NTM: variants seen among roughly 807,000 people sequenced by gnomAD.
NTM encodes neurotrimin.
In NTM, 13 loss-of-function variants were observed where a neutral mutation model predicts 42.1. That is an observed-to-expected ratio of 0.31 (90% confidence interval 0.20 to 0.49). The LOEUF (loss-of-function observed/expected upper bound fraction) is 0.49, where lower values mean the gene tolerates loss of function less well. NTM is among the 20% of genes least tolerant of loss of function. The pLI is 0.99. For synonymous variants in NTM, 187 were observed against 179.2 expected (o/e 1.04, Z -0.35); for missense variants, 373 against 452.8 (o/e 0.82, Z 1.60).
intron 1 of NTM, among the ~76,000 whole-genome samples, chr11:131,445,103 C>T (rs966229357): frequency 6.6e-6 from 1 of 152,078 alleles, no homozygotes; most frequent in Non-Finnish European, 1.5e-5. Context: ...TATGATGATC[C>T]TTATTATAGC....
rs1466920804 is a variant in NTM at position 132,330,186 on chromosome 11, G to C, written c.967+1G>C. The C allele has an allele frequency of 6.4e-7, 1 of 1,551,570 alleles. No individual in the cohort carries two copies. Among genetic ancestry groups the C allele is most frequent in the Non-Finnish European group, 8.7e-7 (1 of 1,146,930 alleles). On this transcript the variant is annotated splice_donor_variant, in intron 8 of 8. Coordinates refer to ENST00000683400, the MANE Select transcript of NTM (RefSeq NM_001352005.2). LOFTEE classifies it high-confidence loss of function. The stretch of plus-strand genomic sequence containing the variant: ...ACTACAGCCCTGACCCCTTGGAAAG[G>C]TTTGTATATTTTTCAGACAGCTGCT...
chr11:131,485,783 C>A (rs1448693882), intron 1 of NTM, among the ~76,000 whole-genome samples: 2 of 152,140 alleles, frequency 1.3e-5, no homozygotes, highest in African/African-American at 2.4e-5. Context: ...CATGCCAGTG[C>A]TGAAATGGGT....
chr11:132,254,554 C>T (rs2092307723), intron 4 of NTM, among the ~76,000 whole-genome samples: 1 of 152,026 alleles, frequency 6.6e-6, no homozygotes, highest in Non-Finnish European at 1.5e-5. Flanking sequence ...CTACCGCTGG[C>T]CTTCCTTTGG....
chr11:131,668,547 G>T (rs1011666020), intron 1 of NTM, among the ~76,000 whole-genome samples: 1 of 152,138 alleles, frequency 6.6e-6, no homozygotes, highest in Non-Finnish European at 1.5e-5. Flanking sequence ...GGAACAAGGG[G>T]CAGGATATAA....
chr11:131,693,539 A>G (rs1164592376), intron 1 of NTM, among the ~76,000 whole-genome samples: 1 of 152,196 alleles, frequency 6.6e-6, no homozygotes, highest in East Asian at 1.9e-4. Context: ...CAGGAAATCC[A>G]GCAGCTGCAG....
At position 131,708,094 on chromosome 11, in the gene NTM, C is replaced by G. The variant is rs567078506; in HGVS notation, c.83-203470C>G. Among the ~76,000 whole-genome samples the G allele has an allele frequency of 6.2e-4, 94 of 151,982 alleles. 1 individual carries two copies. Among genetic ancestry groups the G allele is most frequent in the African/African-American group, 2.2e-3 (91 of 41,472 alleles). ...AGTTACAGGCCACAAAATCAACATA[C>G]AAAAATTAGTGAGAACTAACAGTAA... On this transcript the variant is annotated intron_variant, in intron 1 of 8. Transcript: ENST00000683400.
intron 2 of NTM, among the ~76,000 whole-genome samples, chr11:132,068,723 T>C (rs888931650): frequency 1.2e-4 from 18 of 151,758 alleles, no homozygotes; most frequent in African/African-American, 4.1e-4. Flanking sequence ...TTGCAGGGAG[T>C]TGGCTCACAT....
chr11:131,831,643 C>G (rs1046303030), intron 1 of NTM, among the ~76,000 whole-genome samples: 11 of 152,166 alleles, frequency 7.2e-5, no homozygotes, highest in African/African-American at 2.7e-4. Flanking sequence ...CTTTTTAGAT[C>G]TTAAAGCTTA....
At chr11:131,694,961 G>A (rs1038486808) in intron 1 of NTM, among the ~76,000 whole-genome samples, 7 of 152,158 alleles carry the variant, frequency 4.6e-5, no homozygotes, top group African/African-American at 1.7e-4. Context: ...AGCCCCAGCA[G>A]AGGGGCAGTC....
At chr11:131,589,202 T>TGTGTGTG (rs2059152644) in intron 1 of NTM, among the ~76,000 whole-genome samples, 1 of 151,514 alleles carries the variant, frequency 6.6e-6, no homozygotes, top group African/African-American at 2.4e-5. Context: ...TGTGTGTGTG[T>TGTGTGTG]AGGCTCTGGT....
At chr11:131,564,503 A>AT (rs1026780596) in intron 1 of NTM, among the ~76,000 whole-genome samples, 174 of 149,574 alleles carry the variant, frequency 1.2e-3, no homozygotes, top group African/African-American at 2.5e-3. Context: ...TTCTTTTTCA[A>AT]TTTTTTTTTT....
intron 1 of NTM, among the ~76,000 whole-genome samples, chr11:131,504,658 G>C (rs2047260016): frequency 6.6e-6 from 1 of 152,048 alleles, no homozygotes; most frequent in Non-Finnish European, 1.5e-5. Context: ...TGCACTGCTG[G>C]CCTTTCCAAA....
At chr11:131,523,871 T>C (rs2050103061) in intron 1 of NTM, among the ~76,000 whole-genome samples, 1 of 151,330 alleles carries the variant, frequency 6.6e-6, no homozygotes, top group Non-Finnish European at 1.5e-5. Flanking sequence ...AAGAATTCTC[T>C]GTGCAGTTTG....
At chr11:131,458,599 A>T (rs767035837) in intron 1 of NTM, among the ~76,000 whole-genome samples, 1 of 152,148 alleles carries the variant, frequency 6.6e-6, no homozygotes, top group Non-Finnish European at 1.5e-5. Flanking sequence ...GTCACTTAGG[A>T]TAGGGGCTCT....
intron 1 of NTM, among the ~76,000 whole-genome samples, chr11:131,644,401 G>C (rs971366466): frequency 2.0e-5 from 3 of 152,170 alleles, no homozygotes; most frequent in Non-Finnish European, 4.4e-5. Context: ...GGCTGCCCCA[G>C]GGAGTTTCCC....
chr11:131,857,542 A>G (rs2046221916), intron 1 of NTM, among the ~76,000 whole-genome samples: 3 of 152,140 alleles, frequency 2.0e-5, no homozygotes, highest in Non-Finnish European at 4.4e-5. Context: ...CCTTGCTGCT[A>G]GTTCTCTTTG....
intron 2 of NTM, among the ~76,000 whole-genome samples, chr11:132,026,611 G>C (rs753996396): frequency 7.2e-5 from 11 of 152,188 alleles, no homozygotes; most frequent in Non-Finnish European, 1.2e-4. Context: ...ATTCTAGTGT[G>C]TGTTGGTGAG....
At chr11:132,070,674 G>A (rs1233102869) in intron 2 of NTM, among the ~76,000 whole-genome samples, 2 of 137,540 alleles carry the variant, frequency 1.5e-5, no homozygotes, top group Non-Finnish European at 3.2e-5. Context: ...ACGTCACACA[G>A]CCAAGTTAAC....
intron 2 of NTM, among the ~76,000 whole-genome samples, chr11:132,144,951 G>T (rs1166972178): frequency 2.6e-5 from 4 of 152,212 alleles, no homozygotes; most frequent in Non-Finnish European, 4.4e-5. Context: ...AAAGCAGAAA[G>T]GATGCACAGT....
Sources: gnomAD v4.1 joint callset for allele counts (sites outside exome capture counted in the v4.1 genomes callset) on GRCh38, gnomAD v4.1.1 for gene constraint, MANE v1.5 for transcripts, NCBI Gene and HGNC (gene_info 2026-07-23, HGNC 2026-07-21) for gene names.